The following CPNE2 variants were observed in gnomAD, a reference collection of about 807,000 sequenced individuals.
The protein encoded by CPNE2 is copine-2.
A neutral mutation model predicts 69.7 loss-of-function variants in CPNE2; 42 were observed. That is an observed-to-expected ratio of 0.60 (90% CI 0.47 to 0.78). The LOEUF is 0.78. Among genes scored for constraint, CPNE2 ranks in the 30% least tolerant of loss-of-function variants. CPNE2 has a pLI of 0.00. For synonymous variants in CPNE2, 294 were observed against 289.8 expected (o/e 1.01, Z -0.15); for missense variants, 587 against 732.0 (o/e 0.80, Z 2.29).
In CPNE2 at chr16:57,092,837, C is replaced by T. The variant is rs1296910469; in HGVS notation, c.-36+47C>T. On this transcript the variant is annotated intron_variant, in intron 1 of 15. Transcript: ENST00000290776. The surrounding 1 kb of genome is among the most constrained non-coding windows in gnomAD (Gnocchi z 5.3). ...GGGGCAGCTTGGCGTGAGTGCCCAA[C>T]TTCGGCCTTGGGGCTGGGCTCTTTG... 6.6e-6 allele frequency: 1 copy of T among 151,860 alleles called. No individual in the cohort carries two copies. Among genetic ancestry groups the T allele is most frequent in the Non-Finnish European group, 1.5e-5 (1 of 67,948 alleles). The allele number at this position is 151,860 out of a possible 1,614,324, so 9.4% of individuals were successfully genotyped here. A position where few individuals can be genotyped will look rare whatever the true frequency, so the allele number is the denominator to read the frequency against.
intron 1 of CPNE2, among the ~76,000 whole-genome samples, chr16:57,109,095 G>A (rs542982601): frequency 7.2e-5 from 11 of 152,308 alleles, no homozygotes; most frequent in African/African-American, 1.4e-4. Flanking sequence ...AAGGGGTCCC[G>A]ATCCAGACCC....
chr16:57,124,244 G>A (rs529358315), intron 10 of CPNE2: 27 of 365,698 alleles, frequency 7.4e-5, no homozygotes, highest in African/African-American at 5.7e-4. Context: ...ATCATGCCCA[G>A]CTAATTTTTG....
chr16:57,094,022 G>A (rs2145227587), intron 1 of CPNE2: 1 of 456,618 alleles, frequency 2.2e-6, no homozygotes, highest in East Asian at 7.0e-5. Flanking sequence ...ATGTTCCGGG[G>A]CCTGCCTCCT....
intron 2 of CPNE2, among the ~76,000 whole-genome samples, chr16:57,111,365 A>G (rs954561717): frequency 2.4e-4 from 36 of 152,114 alleles, no homozygotes; most frequent in African/African-American, 8.7e-4. Context: ...TAGTAGAGAC[A>G]TGGGTTTTCG....
intron 13 of CPNE2, among the ~76,000 whole-genome samples, chr16:57,136,716 C>A (rs965595607): frequency 6.6e-6 from 1 of 152,160 alleles, no homozygotes; most frequent in Non-Finnish European, 1.5e-5. Flanking sequence ...GAGTTTGAGA[C>A]CAGCCTGGGC....
At chr16:57,139,504 CAAG>C (rs1169519970) in intron 14 of CPNE2, among the ~76,000 whole-genome samples, 6 of 152,154 alleles carry the variant, frequency 3.9e-5, no homozygotes, top group African/African-American at 1.4e-4. Context: ...GGACCCCAGG[CAAG>C]AAGAGGGTCT....
intron 14 of CPNE2, chr16:57,142,169 C>G (rs1351006692): frequency 6.6e-6 from 1 of 152,308 alleles, no homozygotes; most frequent in Non-Finnish European, 1.5e-5. Flanking sequence ...CCTCCCAGAG[C>G]CTGCAGTCTA....
At chr16:57,127,131 C>T (rs75803748) in intron 11 of CPNE2, among the ~76,000 whole-genome samples, 4,247 of 152,240 alleles carry the variant, frequency 0.028, 198 homozygotes, top group South Asian at 0.14. Context: ...GACCAGTTTA[C>T]ATGTGAAGCA....
At chr16:57,128,768 G>T (rs1335553237) in intron 12 of CPNE2, among the ~76,000 whole-genome samples, 5 of 152,204 alleles carry the variant, frequency 3.3e-5, no homozygotes, top group Non-Finnish European at 7.3e-5. Context: ...CTCTCGCTGT[G>T]TGGAGTCCTC....
chr16:57,120,975 A>G, intron 7 of CPNE2, 118 bp from the exon 8 acceptor site: 1 of 659,618 alleles, frequency 1.5e-6, no homozygotes, highest in Non-Finnish European at 2.6e-6. Context: ...AGCTAGGCAG[A>G]TGCTGAGGAG....
At chr16:57,111,439 A>G (rs714406) in intron 2 of CPNE2, among the ~76,000 whole-genome samples, 2,727 of 152,314 alleles carry the variant, frequency 0.018, 44 homozygotes, top group East Asian at 0.098. Flanking sequence ...CCACTTCCCA[A>G]AGTGCTGGGA....
chr16:57,143,127 C>G (rs1453784996), intron 14 of CPNE2: 1 of 152,294 alleles, frequency 6.6e-6, no homozygotes, highest in African/African-American at 2.4e-5. Flanking sequence ...ACAGCCCCTT[C>G]CCCTTTGATC....
intron 1 of CPNE2, among the ~76,000 whole-genome samples, chr16:57,097,293 G>A (rs1200721389): frequency 1.3e-5 from 2 of 152,076 alleles, no homozygotes; most frequent in African/African-American, 4.8e-5. Flanking sequence ...GAACTCCTAT[G>A]CCCAGAGCCT....
At chr16:57,110,038 C>T (rs77002152) in intron 1 of CPNE2, among the ~76,000 whole-genome samples, 273 of 152,166 alleles carry the variant, frequency 1.8e-3, no homozygotes, top group African/African-American at 6.2e-3. Context: ...CAGGAGAAGC[C>T]CAGGTTTTCC....
At chr16:57,106,785 G>A (rs560763381) in intron 1 of CPNE2, among the ~76,000 whole-genome samples, 2 of 152,286 alleles carry the variant, frequency 1.3e-5, no homozygotes, top group South Asian at 2.1e-4. Flanking sequence ...GGTGAACTTG[G>A]ATACTCTGGG....
chr16:57,110,655 G>T, intron 1 of CPNE2, 53 bp from the exon 2 acceptor site: 1 of 1,203,832 alleles, frequency 8.3e-7, no homozygotes. Context: ...CCTATGGTGG[G>T]GCAGCATAGC....
rs559661634 is a variant in CPNE2 at position 57,108,204 on chromosome 16, C to T, written c.-35-2504C>T. On this transcript the variant is annotated intron_variant, in intron 1 of 15. Transcript: ENST00000290776. ...TCTTCTTACTGTAGCATTCCCAGCA[C>T]TGGGACAGTTCTTGGGACCTAATAG... is the stretch of plus-strand genomic sequence containing the variant. Among the ~76,000 whole-genome samples, 4 of 152,328 alleles carry T rather than the reference C, an allele frequency of 2.6e-5. No homozygotes were observed. In the East Asian group the frequency reaches 7.7e-4, roughly 29 times the overall value.
intron 1 of CPNE2, among the ~76,000 whole-genome samples, chr16:57,102,246 G>A (rs117954777): frequency 1.3e-5 from 2 of 152,194 alleles, no homozygotes; most frequent in South Asian, 4.2e-4. Context: ...CACCGCACCC[G>A]CTTGGTGCTG....
intron 12 of CPNE2, among the ~76,000 whole-genome samples, chr16:57,134,117 C>A (rs1271093745): frequency 6.6e-6 from 1 of 152,226 alleles, no homozygotes; most frequent in Non-Finnish European, 1.5e-5. Context: ...ATGGGTGCAG[C>A]AGTGTCCCGG....
Sources: allele counts gnomAD v4.1 joint callset (sites outside exome capture counted in the v4.1 genomes callset), GRCh38; gene constraint gnomAD v4.1.1; non-coding constraint Gnocchi (gnomAD v3.1); transcripts MANE v1.5; gene names NCBI Gene and HGNC (gene_info 2026-07-23, HGNC 2026-07-21).